Variants in DAAM1 observed in about 807,000 individuals in gnomAD.
The protein encoded by DAAM1 is dishevelled associated activator of morphogenesis 1, also known as disheveled-associated activator of morphogenesis 1.
Under a neutral mutation model 130.0 loss-of-function variants are expected in DAAM1, and 52 were observed. That is an observed-to-expected ratio of 0.40 (90% confidence interval 0.32 to 0.50). The LOEUF (loss-of-function observed/expected upper bound fraction) is 0.50. DAAM1 is among the 20% of genes least tolerant of loss of function. DAAM1 has a pLI of 0.61. For missense variants in DAAM1, 1,134 were observed against 1,303.8 expected (o/e 0.87, Z 2.01); for synonymous variants, 452 against 444.5 (o/e 1.02, Z -0.21).
intron 2 of DAAM1, among the ~76,000 whole-genome samples, chr14:59,283,356 TCAC>T (rs1883302694): frequency 6.6e-6 from 1 of 152,182 alleles, no homozygotes; most frequent in Admixed American, 6.6e-5. Context: ...AATAATTACT[TCAC>T]ATATATAATA....
chr14:59,313,744 G>T (rs115827647), intron 3 of DAAM1, among the ~76,000 whole-genome samples: 269 of 152,310 alleles, frequency 1.8e-3, no homozygotes, highest in African/African-American at 6.1e-3. Flanking sequence ...GGAAAGAAGG[G>T]TTTAGCATTT....
intron 2 of DAAM1, among the ~76,000 whole-genome samples, chr14:59,274,327 A>G (rs1301134248): frequency 6.6e-6 from 1 of 152,216 alleles, no homozygotes; most frequent in Non-Finnish European, 1.5e-5. Context: ...ATGTATATAT[A>G]ACATAAATAT....
chr14:59,200,928 A>G (rs1053222858), intron 1 of DAAM1, among the ~76,000 whole-genome samples: 6 of 152,060 alleles, frequency 3.9e-5, no homozygotes, highest in African/African-American at 1.4e-4. Context: ...TTGGGAGGCC[A>G]AGGCGGGCGG....
intron 12 of DAAM1, 50 bp from the exon 13 acceptor site, chr14:59,330,451 T>C (rs763952945): frequency 3.0e-5 from 44 of 1,481,752 alleles, no homozygotes; most frequent in Non-Finnish European, 3.9e-5. Flanking sequence ...AGAAAATGCT[T>C]CAGCTTTGAA....
chr14:59,354,308 C>T (rs1038705101), intron 19 of DAAM1, among the ~76,000 whole-genome samples: 1 of 152,232 alleles, frequency 6.6e-6, no homozygotes, highest in Non-Finnish European at 1.5e-5. Context: ...GATCTGCCCA[C>T]CTTGGCCTCC....
At chr14:59,217,218 T>C (rs1285879960) in intron 1 of DAAM1, among the ~76,000 whole-genome samples, 1 of 150,698 alleles carries the variant, frequency 6.6e-6, no homozygotes, top group Non-Finnish European at 1.5e-5. Context: ...CTGCTTGTCC[T>C]GCCAAACCTC....
intron 23 of DAAM1, among the ~76,000 whole-genome samples, chr14:59,365,578 AATATAT>A (rs1566511828): frequency 6.6e-6 from 1 of 152,224 alleles, no homozygotes; most frequent in Non-Finnish European, 1.5e-5. Context: ...GTAACTGTAA[AATATAT>A]ATAAATATAA....
At chr14:59,232,536 G>C (rs1566660078) in intron 1 of DAAM1, among the ~76,000 whole-genome samples, 1 of 152,032 alleles carries the variant, frequency 6.6e-6, no homozygotes, top group Non-Finnish European at 1.5e-5. Flanking sequence ...CTTCTGTTTA[G>C]TTTGGAATGA....
chr14:59,285,906 T>C (rs1883429838), intron 2 of DAAM1, among the ~76,000 whole-genome samples: 1 of 152,066 alleles, frequency 6.6e-6, no homozygotes, highest in Non-Finnish European at 1.5e-5. Flanking sequence ...TTAAACTCAG[T>C]GCTTGGCCAA....
At chr14:59,318,009 A>G (rs1218613910) in intron 4 of DAAM1, among the ~76,000 whole-genome samples, 2 of 152,188 alleles carry the variant, frequency 1.3e-5, no homozygotes, top group Non-Finnish European at 2.9e-5. Flanking sequence ...CTAGTCTGTG[A>G]AGCCAGCCTT....
rs542129296 is a variant in DAAM1, at chr14:59,229,547, CT to C, written c.-37-33893del. 5.3e-3 allele frequency among the ~76,000 whole-genome samples: 808 copies of C among 152,350 alleles called. 10 individuals carry two copies. The highest frequency in any genetic ancestry group is 0.018 in the African/African-American group (757 of 41,586). ...AACAAGATTAAAATGAAGACCCACA[CT>C]GACTTACTATCTGTCCTGGCCCTTT... On this transcript the variant is annotated intron_variant, in intron 1 of 24. Transcript: ENST00000360909.
intron 1 of DAAM1, among the ~76,000 whole-genome samples, chr14:59,189,633 C>T (rs958818485): frequency 2.0e-5 from 3 of 152,022 alleles, no homozygotes; most frequent in African/African-American, 7.2e-5. Flanking sequence ...TGATTAGGCT[C>T]GCTGTGGGGC....
chr14:59,208,585 G>T lies in DAAM1; in HGVS notation c.-38+19817G>T, dbSNP rs74726663. 2.1e-3 allele frequency among the ~76,000 whole-genome samples: 322 copies of T among 152,242 alleles called. 2 individuals carry two copies. Among genetic ancestry groups the T allele is most frequent in the African/African-American group, 7.3e-3 (305 of 41,518 alleles). On this transcript the variant is annotated intron_variant, in intron 1 of 24. Coordinates refer to ENST00000360909, the MANE Select transcript of DAAM1 (RefSeq NM_001270520.2). ...TGAGGGTTTTCATGTCCTCTGCTTT[G>T]CCTTTTGACATCAGAGGGCTGAAAA...
intron 15 of DAAM1, among the ~76,000 whole-genome samples, chr14:59,338,705 T>G (rs1230045310): frequency 6.6e-6 from 1 of 152,140 alleles, no homozygotes; most frequent in Non-Finnish European, 1.5e-5. Context: ...TTTGGTTTCT[T>G]TACTTTTTTT....
intron 2 of DAAM1, among the ~76,000 whole-genome samples, chr14:59,290,079 AT>A (rs1160058666): frequency 1.3e-5 from 2 of 152,094 alleles, no homozygotes; most frequent in Non-Finnish European, 2.9e-5. Context: ...CCTCAGTGAC[AT>A]GCGAGTTACC....
chr14:59,366,863 A>C (rs1286476561), intron 23 of DAAM1, among the ~76,000 whole-genome samples: 3 of 151,924 alleles, frequency 2.0e-5, no homozygotes, highest in African/African-American at 7.2e-5. Flanking sequence ...TGCTGTGATC[A>C]TACCTCTGAA....
intron 2 of DAAM1, among the ~76,000 whole-genome samples, chr14:59,283,047 G>A (rs1348886182): frequency 6.6e-6 from 1 of 152,064 alleles, no homozygotes; most frequent in Non-Finnish European, 1.5e-5. Flanking sequence ...TTATCTACCT[G>A]TGACAGCAAA....
intron 17 of DAAM1, among the ~76,000 whole-genome samples, chr14:59,350,382 GCACACATATACCACACATACACACCTA>G (rs1316394844): frequency 6.6e-6 from 1 of 151,758 alleles, no homozygotes; most frequent in South Asian, 2.1e-4. Context: ...TACAGCATCT[GCACACATATACCACACATACACACCTA>G]CACACAGTGT....
chr14:59,248,620 A>T (rs975679009), intron 1 of DAAM1, among the ~76,000 whole-genome samples: 2 of 152,128 alleles, frequency 1.3e-5, no homozygotes, highest in African/African-American at 4.8e-5. Flanking sequence ...CAGTTTACAC[A>T]CTCAACACAT....
Sources: allele counts gnomAD v4.1 joint callset (sites outside exome capture counted in the v4.1 genomes callset), GRCh38; gene constraint gnomAD v4.1.1; transcripts MANE v1.5; gene names NCBI Gene and HGNC (gene_info 2026-07-23, HGNC 2026-07-21).